Variants in COL19A1 observed in about 807,000 individuals in gnomAD.
COL19A1 encodes the protein collagen type XIX alpha 1 chain, also known as collagen alpha-1(XIX) chain.
In COL19A1, 159 loss-of-function variants were observed where a neutral mutation model predicts 190.2. The observed-to-expected ratio is 0.84, with a 90% confidence interval of 0.73 to 0.95. The LOEUF is 0.95. Among genes scored for constraint, COL19A1 ranks in the 40% least tolerant of loss-of-function variants. COL19A1 has a pLI of 0.00. For synonymous variants in COL19A1, 509 were observed against 458.9 expected (o/e 1.11, Z -1.39); for missense variants, 1,418 against 1,431.9 (o/e 0.99, Z 0.16).
intron 14 of COL19A1, among the ~76,000 whole-genome samples, chr6:70,046,459 T>A (rs899035191): frequency 6.6e-6 from 1 of 152,140 alleles, no homozygotes; most frequent in Non-Finnish European, 1.5e-5. Flanking sequence ...CTCATTTTCT[T>A]CTCTTTCTTT....
intron 25 of COL19A1, 130 bp downstream of exon 25, chr6:70,145,137 C>A: frequency 1.4e-6 from 1 of 697,212 alleles, no homozygotes; most frequent in Non-Finnish European, 2.5e-6. Flanking sequence ...GAACTTAAAA[C>A]AGAACTACCA....
intron 9 of COL19A1, among the ~76,000 whole-genome samples, chr6:69,940,074 G>GA (rs371417700): frequency 0.12 from 17,816 of 145,798 alleles, 1,172 homozygotes; most frequent in Middle Eastern, 0.19. Context: ...CCTGCCCACT[G>GA]AAAAAAAAAA....
At chr6:70,191,596 G>A (rs1023163166) in intron 48 of COL19A1, among the ~76,000 whole-genome samples, 1 of 152,154 alleles carries the variant, frequency 6.6e-6, no homozygotes, top group Non-Finnish European at 1.5e-5. Context: ...CTATTGTTTA[G>A]TGAGCTCTGA....
In COL19A1 at chr6:69,978,772, A is replaced by C. The variant is rs371387540; in HGVS notation, c.1026+15902A>C. Among the ~76,000 whole-genome samples, 8 of 151,904 alleles carry C rather than the reference A, an allele frequency of 5.3e-5. No individual in the cohort carries two copies. In the East Asian group the frequency reaches 1.5e-3, roughly 29 times the overall value. ...AACAGAAAATTTTAAAAATTGTAGA[A>C]GGGACAAACAAATCAAACACCTGAT... On this transcript the variant is annotated intron_variant, in intron 11 of 50. Coordinates refer to ENST00000620364, the MANE Select transcript of COL19A1 (RefSeq NM_001858.6).
chr6:70,085,563 C>T (rs3806014), intron 15 of COL19A1, among the ~76,000 whole-genome samples: 28,896 of 152,110 alleles, frequency 0.19, 3,945 homozygotes, highest in African/African-American at 0.36. Flanking sequence ...GCTTGTAAAA[C>T]CAGCCGAATA....
chr6:70,134,867 C>A (rs1785747078), intron 18 of COL19A1, among the ~76,000 whole-genome samples: 1 of 152,160 alleles, frequency 6.6e-6, no homozygotes, highest in Non-Finnish European at 1.5e-5. Context: ...TAATTCCATT[C>A]AATTCTGACA....
intron 1 of COL19A1, among the ~76,000 whole-genome samples, chr6:69,877,403 G>A (rs917342698): frequency 2.0e-5 from 3 of 152,104 alleles, no homozygotes; most frequent in African/African-American, 2.4e-5. Context: ...AATTATTGGA[G>A]GTAATACATT....
intron 11 of COL19A1, among the ~76,000 whole-genome samples, chr6:69,982,576 G>A (rs73482169): frequency 0.031 from 4,758 of 151,848 alleles, 230 homozygotes; most frequent in African/African-American, 0.099. Flanking sequence ...AAATATTATA[G>A]CTGATGTTTA....
Position 70,160,817 on chromosome 6 carries a change from GAA to G in COL19A1, c.2293-1082_2293-1081del, listed in dbSNP as rs1174433913. ...TGTATGTATCATTCCCATCTTTTAG[GAA>G]GTACATTTAAAATTGTTTAAAAATT... is the stretch of plus-strand genomic sequence containing the variant. On this transcript the variant is annotated intron_variant, in intron 34 of 50. Transcript: ENST00000620364. Among the ~76,000 whole-genome samples, 3 of 152,142 alleles carry G rather than the reference GAA, an allele frequency of 2.0e-5. No individual in the cohort carries two copies. The East Asian group carries it at 5.8e-4, about 29-fold the overall frequency.
At chr6:69,926,664 G>A (rs1441686262) in intron 4 of COL19A1, among the ~76,000 whole-genome samples, 1 of 151,948 alleles carries the variant, frequency 6.6e-6, no homozygotes, top group Admixed American at 6.6e-5. Flanking sequence ...ATGCATAATA[G>A]GAATTCTAGG....
chr6:69,892,887 C>A (rs1294620869), intron 2 of COL19A1, among the ~76,000 whole-genome samples: 4 of 152,140 alleles, frequency 2.6e-5, no homozygotes, highest in Non-Finnish European at 5.9e-5. Flanking sequence ...TGTGTCCTGC[C>A]ACAAAAGAAA....
In COL19A1 at chr6:70,062,241, A is replaced by G. The variant is rs190621448; in HGVS notation, c.1171-6182A>G. Reference sequence around the variant, plus strand: ...CATATGCAGAATTTTTTGTACTAACACTTTAAAAAAATTAGTTACAATAAT... The same window carrying G: ...CATATGCAGAATTTTTTGTACTAACGCTTTAAAAAAATTAGTTACAATAAT... On this transcript the variant is annotated intron_variant, in intron 14 of 50. Coordinates refer to ENST00000620364, the MANE Select transcript of COL19A1 (RefSeq NM_001858.6). 2.4e-4 allele frequency among the ~76,000 whole-genome samples: 36 copies of G among 152,230 alleles called. No homozygotes were observed. The South Asian group carries it at 4.1e-3, about 18-fold the overall frequency.
chr6:70,154,948 A>G (rs1332018401), intron 31 of COL19A1, among the ~76,000 whole-genome samples: 3 of 152,156 alleles, frequency 2.0e-5, no homozygotes, highest in Non-Finnish European at 2.9e-5. Flanking sequence ...GATTGAGGGT[A>G]GGTCTGCCTC....
intron 11 of COL19A1, among the ~76,000 whole-genome samples, chr6:69,981,144 A>G (rs911173072): frequency 2.0e-5 from 3 of 152,174 alleles, no homozygotes; most frequent in African/African-American, 4.8e-5. Context: ...TGGCACACAA[A>G]TGTTATAACA....
intron 15 of COL19A1, among the ~76,000 whole-genome samples, chr6:70,070,743 A>G (rs1781497553): frequency 6.6e-6 from 1 of 152,124 alleles, no homozygotes; most frequent in Non-Finnish European, 1.5e-5. Flanking sequence ...TCTTTCAGAC[A>G]TATAAATGTA....
At chr6:70,054,243 G>A (rs1258070151) in intron 14 of COL19A1, among the ~76,000 whole-genome samples, 5 of 152,066 alleles carry the variant, frequency 3.3e-5, no homozygotes, top group South Asian at 2.1e-4. Context: ...CCAGCTACTC[G>A]GGAGGCTGAG....
chr6:70,094,022 G>T (rs1582894934), intron 15 of COL19A1, among the ~76,000 whole-genome samples: 1 of 152,240 alleles, frequency 6.6e-6, no homozygotes, highest in Non-Finnish European at 1.5e-5. Context: ...TTCTTCTCAT[G>T]TCCTTACGAG....
intron 14 of COL19A1, 108 bp downstream of exon 14, chr6:70,036,047 A>G: frequency 9.4e-7 from 1 of 1,064,804 alleles, no homozygotes; most frequent in African/African-American, 1.6e-5. Flanking sequence ...TAAGAATTGA[A>G]GGTGACTTCG....
chr6:70,198,655 A>G (rs1410620640), intron 48 of COL19A1, among the ~76,000 whole-genome samples: 1 of 152,236 alleles, frequency 6.6e-6, no homozygotes, highest in Non-Finnish European at 1.5e-5. Context: ...AATTAATTTC[A>G]TATAGTAGTA....
Sources: gnomAD v4.1 joint callset for allele counts (sites outside exome capture counted in the v4.1 genomes callset) on GRCh38, gnomAD v4.1.1 for gene constraint, MANE v1.5 for transcripts, NCBI Gene and HGNC (gene_info 2026-07-23, HGNC 2026-07-21) for gene names.